Variants in CPA6 observed in about 807,000 individuals in gnomAD.
CPA6 encodes the protein carboxypeptidase A6.
Under a neutral mutation model 63.3 loss-of-function variants are expected in CPA6, and 58 were observed. That is an observed-to-expected ratio of 0.92 (90% CI 0.74 to 1.14). CPA6 has a LOEUF of 1.14. Among genes scored for constraint, CPA6 ranks in the 50% most tolerant of loss-of-function variants. The pLI is 0.00. For synonymous variants in CPA6, 185 were observed against 179.0 expected (o/e 1.03, Z -0.27); for missense variants, 565 against 526.6 (o/e 1.07, Z -0.71).
intron 1 of CPA6, among the ~76,000 whole-genome samples, chr8:67,743,453 C>T (rs898653698): frequency 5.9e-5 from 9 of 152,062 alleles, no homozygotes; most frequent in African/African-American, 1.4e-4. Context: ...TCCCCTTAAG[C>T]GTTTATTCTC....
chr8:67,733,154 A>G (rs1194688994), intron 1 of CPA6, among the ~76,000 whole-genome samples: 3 of 128,276 alleles, frequency 2.3e-5, no homozygotes, highest in Non-Finnish European at 4.8e-5. Context: ...CGAGATTCGC[A>G]CCACTGCACT....
At chr8:67,514,211 G>C (rs1812098530) in intron 3 of CPA6, among the ~76,000 whole-genome samples, 1 of 152,028 alleles carries the variant, frequency 6.6e-6, no homozygotes, top group Admixed American at 6.6e-5. Context: ...ACCCGCCTTA[G>C]CCTCCCAAAG....
intron 8 of CPA6, among the ~76,000 whole-genome samples, chr8:67,469,633 C>T (rs1416397383): frequency 6.6e-6 from 1 of 152,042 alleles, no homozygotes; most frequent in Non-Finnish European, 1.5e-5. Flanking sequence ...AATGACCAGC[C>T]CCACCCCTCC....
chr8:67,563,003 G>A (rs369585418), intron 2 of CPA6, among the ~76,000 whole-genome samples: 19 of 151,918 alleles, frequency 1.3e-4, no homozygotes, highest in African/African-American at 3.9e-4. Flanking sequence ...CCAAAGGATC[G>A]TAAGCTCTTC....
chr8:67,562,362 G>A (rs1564001572), intron 2 of CPA6, among the ~76,000 whole-genome samples: 1 of 152,042 alleles, frequency 6.6e-6, no homozygotes, highest in East Asian at 1.9e-4. Flanking sequence ...TCCAGTTTTG[G>A]TTAAGATTTG....
At chr8:67,728,166 C>T (rs1394486142) in intron 1 of CPA6, among the ~76,000 whole-genome samples, 1 of 134,538 alleles carries the variant, frequency 7.4e-6, no homozygotes, top group Non-Finnish European at 1.6e-5. Context: ...ACAAAACAAA[C>T]TATTATCTGT....
At chr8:67,515,933 G>A (rs1414540402) in intron 3 of CPA6, among the ~76,000 whole-genome samples, 1 of 152,080 alleles carries the variant, frequency 6.6e-6, no homozygotes, top group South Asian at 2.1e-4. Flanking sequence ...TCAATACAAA[G>A]ACCTTAATAT....
At chr8:67,626,256 G>A (rs115016967) in intron 1 of CPA6, among the ~76,000 whole-genome samples, 2,722 of 152,262 alleles carry the variant, frequency 0.018, 85 homozygotes, top group African/African-American at 0.06. Context: ...ATGAAGTAAG[G>A]CTAATATGGA....
At chr8:67,552,152 C>T (rs1271538153) in intron 2 of CPA6, among the ~76,000 whole-genome samples, 1 of 152,114 alleles carries the variant, frequency 6.6e-6, no homozygotes, top group Non-Finnish European at 1.5e-5. Context: ...AAATCTGTCC[C>T]TTGCCTCCCA....
chr8:67,744,149 TCCC>T (rs1817964057), intron 1 of CPA6, among the ~76,000 whole-genome samples: 1 of 152,196 alleles, frequency 6.6e-6, no homozygotes, highest in Admixed American at 6.5e-5. Context: ...AAGGTAGAAT[TCCC>T]CATTTTTAAC....
intron 2 of CPA6, among the ~76,000 whole-genome samples, chr8:67,596,673 A>T (rs1814346291): frequency 6.6e-6 from 1 of 152,170 alleles, no homozygotes; most frequent in African/African-American, 2.4e-5. Context: ...AGTACACGCT[A>T]ATCTATAGAT....
chr8:67,483,650 C>T (rs746124106), intron 8 of CPA6, 118 bp downstream of exon 8: 2 of 833,722 alleles, frequency 2.4e-6, no homozygotes, highest in Admixed American at 3.4e-5. Flanking sequence ...CCTTTCTCTA[C>T]CAGGTTTTCA....
intron 1 of CPA6, among the ~76,000 whole-genome samples, chr8:67,687,539 T>C (rs533271000): frequency 6.6e-6 from 1 of 152,332 alleles, no homozygotes; most frequent in East Asian, 1.9e-4. Flanking sequence ...TTAACTGTTC[T>C]GAGCCTCTGC....
chr8:67,435,567 A>G (rs183819596), intron 8 of CPA6, among the ~76,000 whole-genome samples: 1 of 152,044 alleles, frequency 6.6e-6, no homozygotes, highest in East Asian at 1.9e-4. Flanking sequence ...TATTGGACTT[A>G]GGAGTGCCGA....
chr8:67,741,426 C>T (rs531789034), intron 1 of CPA6, among the ~76,000 whole-genome samples: 2 of 152,218 alleles, frequency 1.3e-5, no homozygotes, highest in South Asian at 2.1e-4. Flanking sequence ...TCATCCCACA[C>T]AGCAGGGGTC....
intron 1 of CPA6, among the ~76,000 whole-genome samples, chr8:67,701,795 G>A (rs1817030152): frequency 1.3e-5 from 2 of 152,208 alleles, no homozygotes; most frequent in African/African-American, 4.8e-5. Flanking sequence ...CATTTATGAA[G>A]TTTTTCCTGG....
intron 1 of CPA6, among the ~76,000 whole-genome samples, chr8:67,673,145 C>T (rs1816384893): frequency 1.3e-5 from 2 of 152,002 alleles, no homozygotes; most frequent in Non-Finnish European, 2.9e-5. Context: ...GACAGAGATC[C>T]CACGCTAGGT....
chr8:67,630,177 A>T (rs1386281393), intron 1 of CPA6, among the ~76,000 whole-genome samples: 4 of 151,550 alleles, frequency 2.6e-5, no homozygotes, highest in Non-Finnish European at 4.4e-5. Flanking sequence ...CAACCCACTT[A>T]TTCTAGTTCA....
chr8:67,670,282 G>A (rs1164727979), intron 1 of CPA6, among the ~76,000 whole-genome samples: 1 of 152,192 alleles, frequency 6.6e-6, no homozygotes, highest in East Asian at 1.9e-4. Context: ...AGGAAGGTGA[G>A]GGGGAAGCAG....
Sources: gnomAD v4.1 joint callset for allele counts (sites outside exome capture counted in the v4.1 genomes callset) on GRCh38, gnomAD v4.1.1 for gene constraint, MANE v1.5 for transcripts, NCBI Gene and HGNC (gene_info 2026-07-23, HGNC 2026-07-21) for gene names.